SIMC1: variants seen among roughly 807,000 people sequenced by gnomAD.
SIMC1 encodes the protein SUMO-interacting motif-containing protein 1.
A neutral mutation model predicts 82.3 loss-of-function variants in SIMC1; 55 were observed. That is an observed-to-expected ratio of 0.67 (90% confidence interval 0.54 to 0.84). The LOEUF is 0.84. Ranked by LOEUF, SIMC1 falls within the 40% of genes least tolerant of loss-of-function variation. The probability of loss-of-function intolerance (pLI) is 0.00; values close to 1 mark genes in which losing one functional copy is unlikely to be tolerated. For synonymous variants in SIMC1, 353 were observed against 426.3 expected (o/e 0.83, Z 2.12); for missense variants, 915 against 1,107.2 (o/e 0.83, Z 2.46).
intron 4 of SIMC1, among the ~76,000 whole-genome samples, chr5:176,300,827 C>T (rs1374969234): frequency 6.6e-6 from 1 of 152,066 alleles, no homozygotes; most frequent in African/African-American, 2.4e-5. Context: ...AACAATTATA[C>T]CCCCAATAAA....
chr5:176,288,368 A>T (rs1763387935), intron 1 of SIMC1, among the ~76,000 whole-genome samples: 1 of 152,086 alleles, frequency 6.6e-6, no homozygotes, highest in South Asian at 2.1e-4. Context: ...AGATTGTACC[A>T]CTGCACTCCA....
chr5:176,306,289 G>C (rs1349354238), intron 4 of SIMC1, among the ~76,000 whole-genome samples: 6 of 132,112 alleles, frequency 4.5e-5, no homozygotes, highest in African/African-American at 1.4e-4. Context: ...GGAGGGAGGT[G>C]GGGGGGTCAG....
At chr5:176,295,908 C>T (rs1424455191) in intron 3 of SIMC1, among the ~76,000 whole-genome samples, 1 of 152,164 alleles carries the variant, frequency 6.6e-6, no homozygotes, top group Non-Finnish European at 1.5e-5. Flanking sequence ...TTGAGCCAAT[C>T]ACCGTGAACT....
chr5:176,342,622 G>C (rs1157006268), intron 9 of SIMC1, among the ~76,000 whole-genome samples: 1 of 152,064 alleles, frequency 6.6e-6, no homozygotes, highest in Non-Finnish European at 1.5e-5. Flanking sequence ...TTTCTGTCTT[G>C]TTCTCTAAGC....
intron 4 of SIMC1, among the ~76,000 whole-genome samples, chr5:176,307,157 A>T (rs1009301414): frequency 1.3e-5 from 2 of 152,224 alleles, no homozygotes; most frequent in Non-Finnish European, 2.9e-5. Flanking sequence ...AACAAAAAAT[A>T]AGTGTGGGCA....
intron 5 of SIMC1, among the ~76,000 whole-genome samples, chr5:176,314,790 T>C (rs1339645462): frequency 3.9e-5 from 6 of 152,186 alleles, no homozygotes; most frequent in Non-Finnish European, 8.8e-5. Context: ...TGACTTTACA[T>C]TGGTACAGAA....
chr5:176,281,064 A>G (rs1762982804), intron 1 of SIMC1, among the ~76,000 whole-genome samples: 3 of 152,234 alleles, frequency 2.0e-5, no homozygotes, highest in African/African-American at 7.2e-5. Flanking sequence ...ACTTTCAGGT[A>G]CACCAATCAG....
chr5:176,290,115 C>T lies in SIMC1; in HGVS notation c.591C>T (p.Ser197=), dbSNP rs374698589. Residue 197 remains serine (S), a synonymous_variant, in exon 2 of 10, where the codon AGC becomes AGT. Coordinates refer to ENST00000429602, the MANE Select transcript of SIMC1 (RefSeq NM_001308195.2). ...PTSNNSRSSS[S]SSNQKAPLPC... is the part of the protein sequence containing the mutation. ...GCAATAATAGTAGGAGCAGCAGCAG[C>T]AGCAGCAATCAAAAAGCACCCTTGC... 1.1e-5 allele frequency: 18 copies of T among 1,603,928 alleles called. No homozygotes were observed. Among genetic ancestry groups the T allele is most frequent in the Admixed American group, 1.7e-5 (1 of 57,472 alleles).
intron 1 of SIMC1, among the ~76,000 whole-genome samples, chr5:176,286,838 CAAA>C (rs984557004): frequency 1.3e-5 from 2 of 152,154 alleles, no homozygotes. Flanking sequence ...AGATACTTCT[CAAA>C]AGAAGACATT....
chr5:176,304,323 G>T, intron 4 of SIMC1: 1 of 154,734 alleles, frequency 6.5e-6, no homozygotes, highest in Non-Finnish European at 1.4e-5. Flanking sequence ...TCAGCCTGCC[G>T]AGTGCCTGCG....
intron 1 of SIMC1, among the ~76,000 whole-genome samples, chr5:176,255,610 C>A (rs1581221194): frequency 2.2e-5 from 3 of 138,700 alleles, no homozygotes; most frequent in Admixed American, 1.5e-4. Flanking sequence ...AGAAAAAGAG[C>A]TAACTTGACT....
At chr5:176,321,409 C>T (rs1765151772) in intron 5 of SIMC1, among the ~76,000 whole-genome samples, 1 of 151,604 alleles carries the variant, frequency 6.6e-6, no homozygotes, top group South Asian at 2.1e-4. Flanking sequence ...CACCACTGCA[C>T]TCCAGCCTGG....
At chr5:176,305,132 C>T (rs1764252694) in intron 4 of SIMC1, among the ~76,000 whole-genome samples, 2 of 36,886 alleles carry the variant, frequency 5.4e-5, no homozygotes, top group African/African-American at 2.0e-4. Context: ...CCGTGCCATC[C>T]AGGAGGGGGG....
chr5:176,312,632 C>G (rs1381095412), intron 4 of SIMC1, among the ~76,000 whole-genome samples: 1 of 151,418 alleles, frequency 6.6e-6, no homozygotes, highest in Non-Finnish European at 1.5e-5. Flanking sequence ...AAATAAACAC[C>G]TTTGGAAGAC....
chr5:176,288,132 G>A (rs1295574631), intron 1 of SIMC1, among the ~76,000 whole-genome samples: 2 of 152,198 alleles, frequency 1.3e-5, no homozygotes, highest in Non-Finnish European at 2.9e-5. Flanking sequence ...AATAGTCCAG[G>A]CACAGTGGCT....
At chr5:176,288,385 G>T (rs1763389318) in intron 1 of SIMC1, among the ~76,000 whole-genome samples, 1 of 151,274 alleles carries the variant, frequency 6.6e-6, no homozygotes, top group Non-Finnish European at 1.5e-5. Context: ...TCCAGCCTAG[G>T]CTAACAGAGC....
intron 1 of SIMC1, among the ~76,000 whole-genome samples, chr5:176,282,130 C>T (rs541093538): frequency 6.6e-6 from 1 of 152,386 alleles, no homozygotes; most frequent in Admixed American, 6.5e-5. Context: ...CAAGCCTGGG[C>T]AATGGCGGGC....
chr5:176,331,227 A>G (rs1765646727), intron 7 of SIMC1, among the ~76,000 whole-genome samples: 1 of 151,986 alleles, frequency 6.6e-6, no homozygotes, highest in South Asian at 2.1e-4. Context: ...AAAATTAGCC[A>G]GGCATGGTGG....
intron 1 of SIMC1, among the ~76,000 whole-genome samples, chr5:176,283,728 G>A (rs1385155645): frequency 6.6e-6 from 1 of 152,106 alleles, no homozygotes; most frequent in Non-Finnish European, 1.5e-5. Context: ...ACACAGACTG[G>A]CAAATTGAAT....
Sources: allele counts gnomAD v4.1 joint callset (sites outside exome capture counted in the v4.1 genomes callset), GRCh38; gene constraint gnomAD v4.1.1; transcripts MANE v1.5; gene names NCBI Gene and HGNC (gene_info 2026-07-23, HGNC 2026-07-21).